LRP1: variants seen among roughly 807,000 people sequenced by gnomAD.
LRP1 encodes the protein LDL receptor related protein 1.
LRP1 carries 51 observed loss-of-function variants against 541.5 expected under a neutral mutation model. That is an observed-to-expected ratio of 0.09 (90% CI 0.08 to 0.12). LRP1 has a LOEUF of 0.12. LRP1 is among the 10% of genes least tolerant of loss of function. The pLI, the probability that LRP1 is intolerant of heterozygous loss-of-function variation, is 1.00. For missense variants in LRP1, 3,878 were observed against 6,376.2 expected (o/e 0.61, Z 13.34); for synonymous variants, 2,219 against 2,470.8 (o/e 0.90, Z 3.02).
At chr12:57,195,532 C>T in intron 52 of LRP1, 126 bp from the exon 53 acceptor site, 1 of 1,570,410 alleles carries the variant, frequency 6.4e-7, no homozygotes, top group Non-Finnish European at 8.7e-7. Context: ...AGCTGTAGCC[C>T]AGGTGTCCAG....
intron 50 of LRP1, 90 bp from the exon 51 acceptor site, chr12:57,194,895 G>C: frequency 1.7e-6 from 2 of 1,203,800 alleles, no homozygotes; most frequent in Non-Finnish European, 2.5e-6. Flanking sequence ...GGTGCTGTGG[G>C]CATCTCTCCT....
chr12:57,202,543 T>TGGGGGGCCCCCCCCCCC lies in LRP1; in HGVS notation c.10711+6_10711+7insGGGGGGCCCCCCCCCCC. The TGGGGGGCCCCCCCCCCC allele has an allele frequency of 6.6e-7, 1 of 1,523,636 alleles. No homozygotes were observed. The allele number at this position is 1,523,636 out of a possible 1,614,324, so 94.4% of individuals were successfully genotyped here. Reference sequence around the variant, plus strand: ...CTCCGATGAAGAGAGCTGCAGTACGTCCCCACCCACCCAGCCCCGCATGAG... The same window carrying TGGGGGGCCCCCCCCCCC: ...CTCCGATGAAGAGAGCTGCAGTACGTGGGGGGCCCCCCCCCCCCCCCACCCACCCAGCCCCGCATGAG... On this transcript the variant is annotated splice_region_variant and intron_variant, in intron 68 of 88. Coordinates refer to ENST00000243077, the MANE Select transcript of LRP1 (RefSeq NM_002332.3).
chr12:57,172,514 G>A (rs2035966788), intron 20 of LRP1, among the ~76,000 whole-genome samples: 1 of 152,150 alleles, frequency 6.6e-6, no homozygotes, highest in Non-Finnish European at 1.5e-5. Context: ...TCTCGGAGAT[G>A]AGACTTTGCA....
chr12:57,146,904 C>A (rs1000570746), intron 6 of LRP1, among the ~76,000 whole-genome samples: 1 of 151,652 alleles, frequency 6.6e-6, no homozygotes, highest in Non-Finnish European at 1.5e-5. Context: ...ACTCAACAGG[C>A]CTGTCTGGGC....
At position 57,185,269 on chromosome 12, in the gene LRP1, C is replaced by T; in HGVS notation, c.6463+64C>T. ...GGGACTCTGGCCTGGGAGAGTGCTC[C>T]CCAGGGAACCCAGTGTGAGAGGGCT... On this transcript the variant is annotated intron_variant, in intron 40 of 88. Coordinates refer to ENST00000243077, the MANE Select transcript of LRP1 (RefSeq NM_002332.3). This position sits in a 1 kb window ranked among gnomAD's most constrained non-coding sequence, Gnocchi z 4.9. 1 of 1,588,714 alleles carries T rather than the reference C, an allele frequency of 6.3e-7. No homozygotes were observed. Among genetic ancestry groups the T allele is most frequent in the South Asian group, 1.1e-5 (1 of 87,736 alleles).
In LRP1 at chr12:57,154,251, C is replaced by T; in HGVS notation, c.885C>T (p.Tyr295=). The T allele has an allele frequency of 1.9e-6, 3 of 1,614,194 alleles. No homozygotes were observed. The highest frequency in any genetic ancestry group is 1.3e-5 in the African/African-American group (1 of 75,070). The stretch of plus-strand genomic sequence containing the variant: ...TCGACTGGCTGACAGGCAACTTCTA[C>T]TTTGTGGATGACATCGATGATAGGA... ...MAIDWLTGNF[Y]FVDDIDDRIF... Residue 295 remains tyrosine (Y), a synonymous_variant, in exon 7 of 89, where the codon TAC becomes TAT. Coordinates refer to ENST00000243077, the MANE Select transcript of LRP1 (RefSeq NM_002332.3). The surrounding 1 kb of genome is among the most constrained non-coding windows in gnomAD (Gnocchi z 4.6).
In LRP1 at chr12:57,206,604, C is replaced by A; in HGVS notation, c.11722C>A (p.His3908Asn). Reference protein sequence around the residue: ...ESVRIDAMDVHVKAGRVYWTN... With the variant: ...ESVRIDAMDVNVKAGRVYWTN... The stretch of plus-strand genomic sequence containing the variant: ...TGTCCGCATTGATGCTATGGATGTC[C>A]ATGTCAAGGCTGGCCGTGTCTATTG... The change falls in exon 76 of 89, where the codon CAT (histidine) becomes AAT (asparagine). Residue 3908 changes from histidine to asparagine, a missense_variant. Coordinates refer to ENST00000243077, the MANE Select transcript of LRP1 (RefSeq NM_002332.3). The surrounding 1 kb of genome is among the most constrained non-coding windows in gnomAD (Gnocchi z 4.7). The A allele has an allele frequency of 6.2e-7, 1 of 1,614,210 alleles. No homozygotes were observed. Among genetic ancestry groups the A allele is most frequent in the South Asian group, 1.1e-5 (1 of 91,082 alleles).
chr12:57,152,275 G>T (rs769012621), intron 6 of LRP1, among the ~76,000 whole-genome samples: 2 of 152,084 alleles, frequency 1.3e-5, no homozygotes, highest in Non-Finnish European at 2.9e-5. Context: ...GTGACTCAGG[G>T]AAGCCTCAGG....
chr12:57,135,267 G>A (rs2035133488), intron 1 of LRP1, among the ~76,000 whole-genome samples: 1 of 152,228 alleles, frequency 6.6e-6, no homozygotes, highest in Non-Finnish European at 1.5e-5. Flanking sequence ...GGCGGGGAAG[G>A]CCTTAGTTGC....
rs779310829 is a variant in LRP1 at position 57,185,150 on chromosome 12, C to T, written c.6408C>T (p.Thr2136=). 45 of 1,614,026 alleles carry T rather than the reference C, an allele frequency of 2.8e-5. No individual in the cohort carries two copies. Among genetic ancestry groups the T allele is most frequent in the East Asian group, 1.1e-4 (5 of 44,884 alleles). ...DNATDSVPLR[T]GIGVQLKDIK... is the part of the protein sequence containing the mutation. ...CCACAGACTCCGTGCCCCTGCGAAC[C>T]GGCATCGGCGTCCAGCTTAAAGACA... Residue 2136 remains threonine, a synonymous_variant, in exon 40 of 89, where the codon ACC becomes ACT. Coordinates refer to ENST00000243077, the MANE Select transcript of LRP1 (RefSeq NM_002332.3). This position sits in a 1 kb window ranked among gnomAD's most constrained non-coding sequence, Gnocchi z 4.9.
Position 57,163,079 on chromosome 12 carries a change from T to G in LRP1, c.2530+96T>G, listed in dbSNP as rs2035770818. 4 of 1,464,562 alleles carry G rather than the reference T, an allele frequency of 2.7e-6. No individual in the cohort carries two copies. The South Asian group carries it at 5.3e-5, about 20-fold the overall frequency. The allele number at this position is 1,464,562 out of a possible 1,614,324, so 90.7% of individuals were successfully genotyped here. A position where few individuals can be genotyped will look rare whatever the true frequency, so the allele number is the denominator to read the frequency against. On this transcript the variant is annotated intron_variant, in intron 15 of 88. Transcript: ENST00000243077. ...GAGGATCCAGGGTCCCAGTCAGAGATTAAGGAGGCAATGAGGGGCCCTTAG... is the reference window on the plus strand; with the variant it reads ...GAGGATCCAGGGTCCCAGTCAGAGAGTAAGGAGGCAATGAGGGGCCCTTAG...
At chr12:57,148,880 C>T (rs2035469729) in intron 6 of LRP1, 1 of 512,702 alleles carries the variant, frequency 2.0e-6, no homozygotes, top group Middle Eastern at 2.8e-4. Context: ...CAAAGGGCCC[C>T]TAGGCTGCAG....
In LRP1 at chr12:57,180,310, A is replaced by C; in HGVS notation, c.5237-20A>C. On this transcript the variant is annotated intron_variant, in intron 31 of 88. Transcript: ENST00000243077. Reference sequence around the variant, plus strand: ...CCAGCCCTGGGCCAGACTCCCCGGCAGTGACTCCCCCTTTTCCAGGCCTGG... The same window carrying C: ...CCAGCCCTGGGCCAGACTCCCCGGCCGTGACTCCCCCTTTTCCAGGCCTGG... 1 of 1,613,038 alleles carries C rather than the reference A, an allele frequency of 6.2e-7. No individual in the cohort carries two copies. Among genetic ancestry groups the C allele is most frequent in the Non-Finnish European group, 8.5e-7 (1 of 1,179,268 alleles).
At chr12:57,208,907 A>T in intron 78 of LRP1, 90 bp downstream of exon 78, 1 of 1,223,848 alleles carries the variant, frequency 8.2e-7, no homozygotes, top group East Asian at 2.3e-5. Flanking sequence ...AAAGCAAGGG[A>T]TGGGATGGGG....
Position 57,183,936 on chromosome 12 carries a change from T to C in LRP1, c.5929+27T>C, listed in dbSNP as rs374491273. On this transcript the variant is annotated intron_variant, in intron 36 of 88. Coordinates refer to ENST00000243077, the MANE Select transcript of LRP1 (RefSeq NM_002332.3). This position sits in a 1 kb window ranked among gnomAD's most constrained non-coding sequence, Gnocchi z 6.1. ...TGAGCAGTGGGCAGGTTTGTGGGGC[T>C]TGGGGTGTGGCAGAGGACTGGGGGA... The C allele has an allele frequency of 5.6e-6, 9 of 1,613,384 alleles. No homozygotes were observed. The African/African-American group carries it at 8.0e-5, about 14-fold the overall frequency.
Position 57,141,523 on chromosome 12 carries a change from TC to T in LRP1, c.328+14del, listed in dbSNP as rs1186609422. ...GCCCCACTGCCGAGGTAAGGACTTT[TC>T]CACTCTCTACTCTCCCGTCTGGATG... is the stretch of plus-strand genomic sequence containing the variant. On this transcript the variant is annotated intron_variant, in intron 3 of 88. Coordinates refer to ENST00000243077, the MANE Select transcript of LRP1 (RefSeq NM_002332.3). 2 of 1,614,050 alleles carry T rather than the reference TC, an allele frequency of 1.2e-6. No homozygotes were observed. Among genetic ancestry groups the T allele is most frequent in the African/African-American group, 2.7e-5 (2 of 74,924 alleles).
chr12:57,160,310 T>C (rs2035702325), intron 12 of LRP1, among the ~76,000 whole-genome samples: 1 of 152,118 alleles, frequency 6.6e-6, no homozygotes, highest in African/African-American at 2.4e-5. Flanking sequence ...CTGGCCCTTG[T>C]CTGACCTCAT....
chr12:57,194,817 A>G, intron 50 of LRP1, 118 bp downstream of exon 50: 2 of 1,326,934 alleles, frequency 1.5e-6, no homozygotes, highest in Admixed American at 4.2e-5. Flanking sequence ...CCCCTGCCCC[A>G]CACCCCAACT....
At chr12:57,192,824 G>T in intron 44 of LRP1, 21 bp from the exon 45 acceptor site, 1 of 1,613,846 alleles carries the variant, frequency 6.2e-7, no homozygotes, top group Non-Finnish European at 8.5e-7. Context: ...CCAGCCCTGC[G>T]CCCACCCTGT....
Sources: gnomAD v4.1 joint callset for allele counts (sites outside exome capture counted in the v4.1 genomes callset) on GRCh38, gnomAD v4.1.1 for gene constraint, Gnocchi (gnomAD v3.1) non-coding constraint, MANE v1.5 for transcripts, NCBI Gene and HGNC (gene_info 2026-07-23, HGNC 2026-07-21) for gene names.